TUSC3: variants seen among roughly 807,000 people sequenced by gnomAD.
TUSC3 encodes the protein dolichyl-diphosphooligosaccharide--protein glycosyltransferase subunit TUSC3.
TUSC3 carries 45 observed loss-of-function variants against 44.8 expected under a neutral mutation model. The ratio of observed to expected loss-of-function variants is 1.00; its 90% CI spans 0.79 to 1.29. TUSC3 has a LOEUF of 1.29. TUSC3 is among the 50% of genes most tolerant of loss of function. The pLI is 0.00. For missense variants in TUSC3, 519 were observed against 437.9 expected, an observed-to-expected ratio of 1.19 and a Z score of -1.65; for synonymous variants, 212 against 152.9, an observed-to-expected ratio of 1.39 and a Z score of -2.85.
At chr8:15,851,746 A>G in the TUSC3 span, among the ~76,000 whole-genome samples, 1 of 152,156 alleles carries the variant, frequency 6.6e-6, no homozygotes, top group Non-Finnish European at 1.5e-5. Flanking sequence ...GCATTCCAGT[A>G]TAAGCTTTCT....
intron 6 of TUSC3, among the ~76,000 whole-genome samples, chr8:15,707,001 T>C (rs1809645584): frequency 1.3e-5 from 2 of 152,004 alleles, no homozygotes; most frequent in Non-Finnish European, 2.9e-5. Flanking sequence ...CATTTGTTGC[T>C]ATAAAAGTAT....
At chr8:15,518,051 G>A (rs1466624046) in intron 2 of TUSC3, among the ~76,000 whole-genome samples, 1 of 151,500 alleles carries the variant, frequency 6.6e-6, no homozygotes, top group African/African-American at 2.4e-5. Context: ...CCAGCCTCCG[G>A]TAACCAACTA....
intron 2 of TUSC3, among the ~76,000 whole-genome samples, chr8:15,502,915 G>C (rs779689555): frequency 1.3e-5 from 2 of 152,138 alleles, no homozygotes; most frequent in African/African-American, 2.4e-5. Context: ...GTTTGACGAA[G>C]TCTTTATTCT....
intron 5 of TUSC3, among the ~76,000 whole-genome samples, chr8:15,673,189 T>C (rs1808025951): frequency 6.6e-6 from 1 of 152,112 alleles, no homozygotes. Flanking sequence ...ATATAATCTT[T>C]GCGAGTTATT....
At chr8:15,478,519 C>G (rs1467406110) in intron 1 of TUSC3, among the ~76,000 whole-genome samples, 1 of 152,142 alleles carries the variant, frequency 6.6e-6, no homozygotes, top group Non-Finnish European at 1.5e-5. Flanking sequence ...TAAGTGAGAA[C>G]ATGCAATGTT....
the TUSC3 span, among the ~76,000 whole-genome samples, chr8:15,784,770 G>A: frequency 6.6e-6 from 1 of 152,194 alleles, no homozygotes; most frequent in East Asian, 1.9e-4. Flanking sequence ...GAGAGGAGAG[G>A]CAAAGGAGAG....
At chr8:15,776,843 C>T in the TUSC3 span, among the ~76,000 whole-genome samples, 1 of 151,940 alleles carries the variant, frequency 6.6e-6, no homozygotes, top group Non-Finnish European at 1.5e-5. Context: ...AAGATTAGCC[C>T]TTTTACTGTT....
intron 9 of TUSC3, among the ~76,000 whole-genome samples, chr8:15,755,198 C>G (rs1811872385): frequency 1.3e-5 from 2 of 151,998 alleles, no homozygotes; most frequent in South Asian, 4.1e-4. Flanking sequence ...TGACCTTGGG[C>G]AAGTTACTTA....
At chr8:15,619,560 C>T (rs551123655) in intron 1 of TUSC3, among the ~76,000 whole-genome samples, 4 of 151,914 alleles carry the variant, frequency 2.6e-5, no homozygotes, top group East Asian at 1.9e-4. Flanking sequence ...GGCACGATCT[C>T]GGCTTACTGC....
intron 9 of TUSC3, among the ~76,000 whole-genome samples, chr8:15,750,003 G>A (rs775820057): frequency 2.1e-5 from 3 of 144,582 alleles, no homozygotes; most frequent in East Asian, 2.0e-4. Flanking sequence ...TTTTTGAAAC[G>A]GAGTCTTGCT....
intron 1 of TUSC3, among the ~76,000 whole-genome samples, chr8:15,563,069 C>T (rs941492191): frequency 6.6e-6 from 1 of 152,056 alleles, no homozygotes; most frequent in African/African-American, 2.4e-5. Context: ...GGCAAGCCTG[C>T]ACTTTTAGAT....
the TUSC3 span, among the ~76,000 whole-genome samples, chr8:15,812,924 T>A: frequency 6.6e-6 from 1 of 152,008 alleles, no homozygotes. Context: ...CGAAACCCCA[T>A]CTCTACTAAA....
At chr8:15,843,621 T>TATACAC in the TUSC3 span, among the ~76,000 whole-genome samples, 273 of 146,760 alleles carry the variant, frequency 1.9e-3, 3 homozygotes, top group African/African-American at 6.3e-3. Context: ...TATATATATA[T>TATACAC]ACACGCACAT....
Position 15,667,677 on chromosome 8 carries a change from A to G in TUSC3, c.708+5381A>G, listed in dbSNP as rs182760300. On this transcript the variant is annotated intron_variant, in intron 5 of 10. Coordinates refer to ENST00000503731, the MANE Select transcript of TUSC3 (RefSeq NM_006765.4). ...CAAATTAACTCGTGGTCTTAATTAA[A>G]TTTTGTTTTCAAAGCTGTATCAACT... 6.3e-3 allele frequency among the ~76,000 whole-genome samples: 956 copies of G among 151,858 alleles called. 2 individuals are homozygous for G. The highest frequency in any genetic ancestry group is 0.01 in the Middle Eastern group (3 of 294).
At chr8:15,574,045 C>A (rs1802995238) in intron 1 of TUSC3, among the ~76,000 whole-genome samples, 1 of 152,060 alleles carries the variant, frequency 6.6e-6, no homozygotes, top group Non-Finnish European at 1.5e-5. Context: ...TTATTCCAGA[C>A]TTTTTTGTTT....
intron 1 of TUSC3, among the ~76,000 whole-genome samples, chr8:15,574,985 T>C (rs1460964680): frequency 1.3e-5 from 2 of 152,146 alleles, no homozygotes; most frequent in African/African-American, 4.8e-5. Context: ...AGTTTAACTT[T>C]GGGGTGGTTC....
chr8:15,551,821 C>G (rs1296183381), intron 1 of TUSC3, among the ~76,000 whole-genome samples: 1 of 151,792 alleles, frequency 6.6e-6, no homozygotes, highest in African/African-American at 2.4e-5. Context: ...TCCCTTTTCT[C>G]TGTATCCCTT....
At chr8:15,463,917 T>C (rs1259881846) in intron 1 of TUSC3, among the ~76,000 whole-genome samples, 1 of 152,202 alleles carries the variant, frequency 6.6e-6, no homozygotes, top group Non-Finnish European at 1.5e-5. Context: ...ACTTGCCTAT[T>C]TGATCATTAG....
intron 1 of TUSC3, among the ~76,000 whole-genome samples, chr8:15,467,087 C>G (rs952989651): frequency 6.6e-6 from 1 of 151,924 alleles, no homozygotes; most frequent in African/African-American, 2.4e-5. Context: ...AGTTTAAGAG[C>G]TTGGCCTATT....
Sources: gnomAD v4.1 joint callset for allele counts (sites outside exome capture counted in the v4.1 genomes callset) on GRCh38, gnomAD v4.1.1 for gene constraint, MANE v1.5 for transcripts, NCBI Gene and HGNC (gene_info 2026-07-23, HGNC 2026-07-21) for gene names.